Variants in TPM4 observed in about 807,000 individuals in gnomAD.
TPM4 encodes tropomyosin alpha-4 chain.
TPM4 carries 17 observed loss-of-function variants against 35.8 expected under a neutral mutation model. The ratio of observed to expected loss-of-function variants is 0.47; its 90% CI spans 0.32 to 0.71. TPM4 has a LOEUF of 0.71. TPM4 is among the 30% of genes least tolerant of loss of function. The pLI, the probability that TPM4 is intolerant of heterozygous loss-of-function variation, is 0.03. For synonymous variants in TPM4, 120 were observed against 122.9 expected, an observed-to-expected ratio of 0.98 and a Z score of 0.15; for missense variants, 240 against 320.9, an observed-to-expected ratio of 0.75 and a Z score of 1.93.
Position 16,101,682 on chromosome 19 carries a change from C to T in TPM4, c.*336C>T, listed in dbSNP as rs2090764917. ...TCCTGGGAGAATAGGCAGCCCCACA[C>T]TTTGAAGAATACAGACCCCAGTATC... is the stretch of plus-strand genomic sequence containing the variant. On this transcript the variant is annotated 3_prime_UTR_variant, in exon 8 of 8. Coordinates refer to ENST00000643579, the MANE Select transcript of TPM4 (RefSeq NM_003290.3). 1 of 290,634 alleles carries T rather than the reference C, an allele frequency of 3.4e-6. No homozygotes were observed. Among genetic ancestry groups the T allele is most frequent in the African/African-American group, 2.2e-5 (1 of 46,138 alleles). The allele number at this position is 290,634 out of a possible 1,614,324, so 18.0% of individuals were successfully genotyped here.
intron 7 of TPM4, among the ~76,000 whole-genome samples, chr19:16,096,760 A>G (rs1296131727): frequency 6.6e-6 from 1 of 152,092 alleles, no homozygotes; most frequent in African/African-American, 2.4e-5. Flanking sequence ...TGAATTTAGA[A>G]TTCTTTTCCC....
In TPM4 at chr19:16,102,613, G is replaced by A. The variant is rs770412609; in HGVS notation, c.*1267G>A. 7 of 228,052 alleles carry A rather than the reference G, an allele frequency of 3.1e-5. No individual in the cohort carries two copies. Among genetic ancestry groups the A allele is most frequent in the Non-Finnish European group, 6.1e-5 (7 of 114,848 alleles). 14.1% of individuals were successfully genotyped at this position (228,052 alleles called of 1,614,324 possible). A position where few individuals can be genotyped will look rare whatever the true frequency, so the allele number is the denominator to read the frequency against. On this transcript the variant is annotated 3_prime_UTR_variant, in exon 8 of 8. Coordinates refer to ENST00000643579, the MANE Select transcript of TPM4 (RefSeq NM_003290.3). ...ATCTAGGACTTGAATTCCTTCTTTG[G>A]GACCAAGTTAATAAAAGACCAAGAA...
In TPM4 at chr19:16,090,303, T is replaced by A. The variant is rs959029728; in HGVS notation, c.531+1183T>A. On this transcript the variant is annotated intron_variant, in intron 5 of 7. Coordinates refer to ENST00000643579, the MANE Select transcript of TPM4 (RefSeq NM_003290.3). ...AAAACTGTATTTTTTTTTTTTTTTTTATAGAGCACAGTCTATGTTGCCTAG... is the reference window on the plus strand; with the variant it reads ...AAAACTGTATTTTTTTTTTTTTTTTAATAGAGCACAGTCTATGTTGCCTAG... Among the ~76,000 whole-genome samples, 186 of 150,638 alleles carry A rather than the reference T, an allele frequency of 1.2e-3. 4 individuals are homozygous for A. The East Asian group carries it at 0.031, about 25-fold the overall frequency.
intron 2 of TPM4, among the ~76,000 whole-genome samples, chr19:16,084,692 C>G (rs1215330472): frequency 2.6e-5 from 4 of 152,150 alleles, no homozygotes; most frequent in Admixed American, 6.5e-5. Context: ...TTCTATGGAG[C>G]CTTAGGCAAG....
intron 5 of TPM4, among the ~76,000 whole-genome samples, chr19:16,093,324 T>C (rs2090651715): frequency 6.6e-6 from 1 of 152,034 alleles, no homozygotes; most frequent in African/African-American, 2.4e-5. Context: ...TCCTCCCCAG[T>C]AGCTGGGACT....
At chr19:16,081,290 G>T in intron 1 of TPM4, 1 of 386,852 alleles carries the variant, frequency 2.6e-6, no homozygotes, top group Non-Finnish European at 4.6e-6. Context: ...GCCTAACGTT[G>T]GGTCTATTGT....
At chr19:16,080,054 G>A (rs2090464035) in intron 1 of TPM4, 1 of 187,008 alleles carries the variant, frequency 5.3e-6, no homozygotes, top group Non-Finnish European at 1.1e-5. Context: ...CATTTGTTCT[G>A]ATAGGAAAAA....
chr19:16,068,724 T>C (rs1457502592), intron 2 of TPM4, among the ~76,000 whole-genome samples: 1 of 152,198 alleles, frequency 6.6e-6, no homozygotes, highest in Non-Finnish European at 1.5e-5. Context: ...CGTGTGTGTG[T>C]ACACATATTT....
chr19:16,095,272 T>G (rs752011291), intron 7 of TPM4: 1 of 1,025,776 alleles, frequency 9.7e-7, no homozygotes, highest in Non-Finnish European at 1.2e-6. Context: ...AGATGAGTTA[T>G]ACGCTCAGAA....
chr19:16,102,292 T>G lies in TPM4; in HGVS notation c.*946T>G, dbSNP rs755461864. ...AAGTGGAGACTGCAGTGAGCCGATA[T>G]CGCACCACAGCGCTCCAGCCTGGTC... On this transcript the variant is annotated 3_prime_UTR_variant, in exon 8 of 8. Transcript: ENST00000643579. The G allele has an allele frequency of 1.0e-5, 2 of 194,066 alleles. No homozygotes were observed. Among genetic ancestry groups the G allele is most frequent in the African/African-American group, 4.6e-5 (2 of 43,060 alleles). The allele number at this position is 194,066 out of a possible 1,614,324, so 12.0% of individuals were successfully genotyped here. A position where few individuals can be genotyped will look rare whatever the true frequency, so the allele number is the denominator to read the frequency against.
intron 5 of TPM4, chr19:16,093,247 GT>G: frequency 2.7e-6 from 1 of 370,248 alleles, no homozygotes; most frequent in Non-Finnish European, 5.1e-6. Flanking sequence ...CCAGGCTGGA[GT>G]GCAGTGGCGT....
At chr19:16,088,994 T>G in intron 4 of TPM4, 51 bp from the exon 5 acceptor site, 1 of 1,611,752 alleles carries the variant, frequency 6.2e-7, no homozygotes, top group Non-Finnish European at 8.5e-7. Context: ...ATTGCTATTA[T>G]TGCCGGCTGT....
chr19:16,067,976 A>C lies in TPM4; in HGVS notation c.114+238A>C. ...AGTGCGAACAAAGTGAGTTTGACAG[A>C]GAGAGAGTTGGCGGGGGAGGGAGAG... On this transcript the variant is annotated intron_variant, in intron 2 of 2. Transcript: ENST00000589897. This position sits in a 1 kb window ranked among gnomAD's most constrained non-coding sequence, Gnocchi z 4.1. 1 of 496,884 alleles carries C rather than the reference A, an allele frequency of 2.0e-6. No homozygotes were observed. The highest frequency in any genetic ancestry group is 3.5e-6 in the Non-Finnish European group (1 of 282,592). The allele number at this position is 496,884 out of a possible 1,614,324, so 30.8% of individuals were successfully genotyped here. A position where few individuals can be genotyped will look rare whatever the true frequency, so the allele number is the denominator to read the frequency against.
chr19:16,084,243 C>T lies in TPM4; in HGVS notation c.267-2180C>T, dbSNP rs1179159308. Among the ~76,000 whole-genome samples, 11 of 152,214 alleles carry T rather than the reference C, an allele frequency of 7.2e-5. 1 individual carries two copies. The highest frequency in any genetic ancestry group is 7.2e-4 in the Admixed American group (11 of 15,258). ...GCATTTCTGGTTGTGCTGCTGTGAC[C>T]ACTAACCAGAGATTAGAAACCAGCT... is the stretch of plus-strand genomic sequence containing the variant. On this transcript the variant is annotated intron_variant, in intron 2 of 7. Coordinates refer to ENST00000643579, the MANE Select transcript of TPM4 (RefSeq NM_003290.3).
intron 1 of TPM4, chr19:16,076,902 A>G: frequency 9.1e-7 from 1 of 1,100,196 alleles, no homozygotes; most frequent in Admixed American, 4.7e-5. Flanking sequence ...GGCCTGGGAC[A>G]GGGGAGGGGG....
intron 1 of TPM4, among the ~76,000 whole-genome samples, chr19:16,078,725 C>A (rs2090443273): frequency 6.7e-6 from 1 of 149,932 alleles, no homozygotes; most frequent in South Asian, 2.1e-4. Flanking sequence ...TTGAAGACTT[C>A]TTGAAAAAGT....
upstream of TPM4, among the ~76,000 whole-genome samples, chr19:16,072,080 G>A (rs942230188): frequency 3.3e-5 from 5 of 152,186 alleles, no homozygotes; most frequent in East Asian, 1.9e-4. Flanking sequence ...TCGGCCTCCC[G>A]TAGTGCTGGA....
intron 1 of TPM4, chr19:16,077,881 C>T: frequency 3.3e-6 from 1 of 304,646 alleles, no homozygotes; most frequent in South Asian, 1.6e-4. Flanking sequence ...CCTGCTTCAG[C>T]CTCCCGAGTA....
At chr19:16,076,245 C>T (rs976434079), upstream of TPM4, 91 of 1,543,638 alleles carry the variant, frequency 5.9e-5, no homozygotes, top group Non-Finnish European at 7.8e-5. Context: ...GCGGGGAGAG[C>T]CGCAGGGGGA....
Sources: gnomAD v4.1 joint callset for allele counts (sites outside exome capture counted in the v4.1 genomes callset) on GRCh38, gnomAD v4.1.1 for gene constraint, Gnocchi (gnomAD v3.1) non-coding constraint, MANE v1.5 for transcripts, NCBI Gene and HGNC (gene_info 2026-07-23, HGNC 2026-07-21) for gene names.